The following PCBP3 variants were observed in gnomAD, a reference collection of about 807,000 sequenced individuals.
PCBP3 encodes poly(rC)-binding protein 3.
PCBP3 carries 25 observed loss-of-function variants against 52.7 expected under a neutral mutation model. The ratio of observed to expected loss-of-function variants is 0.47; its 90% CI spans 0.35 to 0.66. The LOEUF (loss-of-function observed/expected upper bound fraction) is 0.66, where lower values mean the gene tolerates loss of function less well. Among genes scored for constraint, PCBP3 ranks in the 30% least tolerant of loss-of-function variants. The probability of loss-of-function intolerance (pLI) is 0.01; values close to 1 mark genes in which losing one functional copy is unlikely to be tolerated. For missense variants in PCBP3, 391 were observed against 490.3 expected (o/e 0.80, Z 1.91); for synonymous variants, 162 against 183.0 (o/e 0.89, Z 0.93).
At chr21:45,720,691 CT>C (rs1284036716) in intron 2 of PCBP3, among the ~76,000 whole-genome samples, 1 of 152,138 alleles carries the variant, frequency 6.6e-6, no homozygotes, top group East Asian at 1.9e-4. Flanking sequence ...ACCTCTGTAC[CT>C]TTACTCTTGT....
At chr21:45,776,559 T>C (rs1402515808) in intron 4 of PCBP3, among the ~76,000 whole-genome samples, 1 of 151,220 alleles carries the variant, frequency 6.6e-6, no homozygotes, top group African/African-American at 2.4e-5. Context: ...GTGTTGGGTA[T>C]ATATATATAT....
At chr21:45,734,552 CT>C (rs1489725020) in intron 2 of PCBP3, among the ~76,000 whole-genome samples, 1 of 152,228 alleles carries the variant, frequency 6.6e-6, no homozygotes, top group Non-Finnish European at 1.5e-5. Flanking sequence ...CATCTCTCCC[CT>C]TTCCTCTCTG....
At chr21:45,650,756 G>A (rs1035994997) in intron 1 of PCBP3, among the ~76,000 whole-genome samples, 1 of 152,106 alleles carries the variant, frequency 6.6e-6, no homozygotes, top group Non-Finnish European at 1.5e-5. Flanking sequence ...TTATTTCCTG[G>A]AAATTTGGCA....
At chr21:45,652,442 C>CT (rs377230019) in intron 1 of PCBP3, among the ~76,000 whole-genome samples, 31,390 of 135,534 alleles carry the variant, frequency 0.23, 4,275 homozygotes, top group African/African-American at 0.37. Flanking sequence ...ATTCTGATGG[C>CT]TTTTTTTTTT....
Position 45,833,032 on chromosome 21 carries a change from A to G in PCBP3, c.-125-16929A>G, listed in dbSNP as rs1414829211. The stretch of plus-strand genomic sequence containing the variant: ...TCAACACGTGGGGATTGTGGGAATT[A>G]CAATTCAAGATGAGATTTGGGTGGA... On this transcript the variant is annotated intron_variant, in intron 4 of 17. Coordinates refer to ENST00000681687, the MANE Select transcript of PCBP3 (RefSeq NM_001384156.1). 1.4e-4 allele frequency among the ~76,000 whole-genome samples: 22 copies of G among 152,284 alleles called. No homozygotes were observed. The South Asian group carries it at 4.4e-3, about 30-fold the overall frequency.
rs776539048 is a variant in PCBP3 at position 45,880,156 on chromosome 21, G to C, written c.11-16052G>C. Among the ~76,000 whole-genome samples, 1 of 152,218 alleles carries C rather than the reference G, an allele frequency of 6.6e-6. No homozygotes were observed. The highest frequency in any genetic ancestry group is 1.5e-5 in the Non-Finnish European group (1 of 68,040). ...TGACAAGACGTTCCTGTCGTGAGTGGTTTTCCTCTGGCCTCTTCTGGGAGC... is the reference window on the plus strand; with the variant it reads ...TGACAAGACGTTCCTGTCGTGAGTGCTTTTCCTCTGGCCTCTTCTGGGAGC... On this transcript the variant is annotated intron_variant, in intron 5 of 17. Transcript: ENST00000681687. This position sits in a 1 kb window ranked among gnomAD's most constrained non-coding sequence, Gnocchi z 5.4.
intron 4 of PCBP3, among the ~76,000 whole-genome samples, chr21:45,815,175 AGTGGTGAG>A (rs2092862317): frequency 8.9e-5 from 5 of 56,400 alleles, no homozygotes; most frequent in Admixed American, 1.8e-4. Context: ...GTGAGTGGTG[AGTGGTGAG>A]TGAGTGGTGA....
At chr21:45,684,386 A>G (rs748867708) in intron 2 of PCBP3, among the ~76,000 whole-genome samples, 15 of 152,216 alleles carry the variant, frequency 9.9e-5, no homozygotes, top group Non-Finnish European at 1.8e-4. Flanking sequence ...TACTGATTTT[A>G]CTGCTTGATA....
intron 2 of PCBP3, among the ~76,000 whole-genome samples, chr21:45,709,447 G>A (rs1413974513): frequency 2.0e-5 from 3 of 152,150 alleles, no homozygotes; most frequent in Non-Finnish European, 2.9e-5. Flanking sequence ...CACCATCACC[G>A]TGACCTCTGC....
At chr21:45,841,214 G>A (rs1302572129) in intron 4 of PCBP3, among the ~76,000 whole-genome samples, 3 of 152,156 alleles carry the variant, frequency 2.0e-5, no homozygotes, top group Non-Finnish European at 2.9e-5. Flanking sequence ...GTCTCCCCAC[G>A]CTCTTGGAAG....
In PCBP3 at chr21:45,659,542, T is replaced by C. The variant is rs114070575; in HGVS notation, c.-278-9332T>C. On this transcript the variant is annotated intron_variant, in intron 1 of 17. Coordinates refer to ENST00000681687, the MANE Select transcript of PCBP3 (RefSeq NM_001384156.1). ...TTTTTTAATTTTTTGTGAGACACAGTGTCTTGTCATGTTGCTCAGACTGGT... is the reference window on the plus strand; with the variant it reads ...TTTTTTAATTTTTTGTGAGACACAGCGTCTTGTCATGTTGCTCAGACTGGT... 6.7e-3 allele frequency among the ~76,000 whole-genome samples: 1,025 copies of C among 152,026 alleles called. 13 individuals carry two copies. Among genetic ancestry groups the C allele is most frequent in the African/African-American group, 0.024 (989 of 41,488 alleles).
intron 4 of PCBP3, among the ~76,000 whole-genome samples, chr21:45,833,755 C>CA (rs1261207813): frequency 1.3e-5 from 2 of 152,142 alleles, no homozygotes; most frequent in Admixed American, 6.5e-5. Flanking sequence ...TGTTTCTGGG[C>CA]AGACCACAGG....
At chr21:45,696,189 C>G (rs2082764588) in intron 2 of PCBP3, among the ~76,000 whole-genome samples, 1 of 150,272 alleles carries the variant, frequency 6.7e-6, no homozygotes, top group African/African-American at 2.4e-5. Context: ...ACCAGCCACA[C>G]TTGGATTGGA....
rs2073666429 is a variant in PCBP3, at chr21:45,917,462, C to G, written c.676-126C>G. Reference sequence around the variant, plus strand: ...TTGGCCCTTTGTCCTAGGATGGGGACAGGTGGAGAGGCACACGAGGGGGAA... The same window carrying G: ...TTGGCCCTTTGTCCTAGGATGGGGAGAGGTGGAGAGGCACACGAGGGGGAA... On this transcript the variant is annotated intron_variant, in intron 12 of 17. Coordinates refer to ENST00000681687, the MANE Select transcript of PCBP3 (RefSeq NM_001384156.1). The surrounding 1 kb of genome is among the most constrained non-coding windows in gnomAD (Gnocchi z 5.3). 5.5e-6 allele frequency: 4 copies of G among 731,748 alleles called. No individual in the cohort carries two copies. The African/African-American group carries it at 6.9e-5, about 13-fold the overall frequency. The allele number at this position is 731,748 out of a possible 1,614,324, so 45.3% of individuals were successfully genotyped here. A position where few individuals can be genotyped will look rare whatever the true frequency, so the allele number is the denominator to read the frequency against.
At chr21:45,926,399 A>G (rs1447462541) in intron 13 of PCBP3, among the ~76,000 whole-genome samples, 1 of 152,200 alleles carries the variant, frequency 6.6e-6, no homozygotes, top group Non-Finnish European at 1.5e-5. Context: ...ATTTTAGTGT[A>G]TTCCTTCTAA....
At chr21:45,726,655 C>T (rs995192565) in intron 2 of PCBP3, among the ~76,000 whole-genome samples, 2 of 152,162 alleles carry the variant, frequency 1.3e-5, no homozygotes, top group African/African-American at 2.4e-5. Context: ...TTGTGTCTCC[C>T]GCCTGAGGCC....
At chr21:45,819,748 G>T (rs556178090) in intron 4 of PCBP3, among the ~76,000 whole-genome samples, 4 of 152,364 alleles carry the variant, frequency 2.6e-5, no homozygotes, top group Admixed American at 6.5e-5. Context: ...CAGAGGGCTT[G>T]TCTGGCAGCT....
chr21:45,776,415 T>C (rs1431404138), intron 4 of PCBP3, among the ~76,000 whole-genome samples: 1 of 152,070 alleles, frequency 6.6e-6, no homozygotes, highest in African/African-American at 2.4e-5. Flanking sequence ...AGTCCCCCAC[T>C]GTTTTTGTAC....
At chr21:45,770,994 A>G (rs1285081132) in intron 4 of PCBP3, among the ~76,000 whole-genome samples, 1 of 152,258 alleles carries the variant, frequency 6.6e-6, no homozygotes, top group Non-Finnish European at 1.5e-5. Context: ...TCTTCAATCA[A>G]TTCAGTGGAA....
Sources: gnomAD v4.1 joint callset for allele counts (sites outside exome capture counted in the v4.1 genomes callset) on GRCh38, gnomAD v4.1.1 for gene constraint, Gnocchi (gnomAD v3.1) non-coding constraint, MANE v1.5 for transcripts, NCBI Gene and HGNC (gene_info 2026-07-23, HGNC 2026-07-21) for gene names.